The following CEP295NL variants were observed in gnomAD, a reference collection of about 807,000 sequenced individuals.
CEP295NL encodes protein DDC8 homolog.
Under a neutral mutation model 4.6 loss-of-function variants are expected in CEP295NL, and 3 were observed. The observed-to-expected ratio is 0.65, with a 90% CI of 0.30 to 1.69. The LOEUF (loss-of-function observed/expected upper bound fraction) is 1.69, where lower values mean the gene tolerates loss of function less well. CEP295NL is among the 40% of genes most tolerant of loss of function. The pLI, the probability that CEP295NL is intolerant of heterozygous loss-of-function variation, is 0.10. For synonymous variants in CEP295NL, 295 were observed against 312.2 expected, an observed-to-expected ratio of 0.94 and a Z score of 0.58; for missense variants, 719 against 769.0, an observed-to-expected ratio of 0.93 and a Z score of 0.77.
rs1279956306 is a variant in CEP295NL, at chr17:78,891,582, G to C, written c.922C>G (p.Leu308Val). ...GQSLEGKLRD[L>V]GQLWPADSSC... ...GAATCAGCTGGCCACAGCTGCCCGA[G>C]GTCTCTCAGCTTCCCCTCCAGACTC... Residue 308 changes from leucine to valine, a missense_variant, in exon 3 of 3, where the codon CTC (leucine) becomes GTC (valine). Leu to Val is a conservative substitution (Grantham distance 32). Transcript: ENST00000322630. The surrounding 1 kb of genome is among the most constrained non-coding windows in gnomAD (Gnocchi z 4.5). The C allele has an allele frequency of 6.4e-7, 1 of 1,550,830 alleles. No individual in the cohort carries two copies. The highest frequency in any genetic ancestry group is 8.7e-7 in the Non-Finnish European group (1 of 1,147,054).
rs1349552692 is a variant in CEP295NL, at chr17:78,891,297, C to G, written c.1207G>C (p.Ala403Pro). The change falls in exon 3 of 3, where the codon GCC becomes CCC. Residue 403 changes from alanine to proline, a missense_variant. Coordinates refer to ENST00000322630, the MANE Select transcript of CEP295NL (RefSeq NM_001243540.2). The surrounding 1 kb of genome is among the most constrained non-coding windows in gnomAD (Gnocchi z 4.5). ...TCTGCTGGGCTCCTGGGTTCCCCGGCAGGCAGCATCTCTGGGTCTGCCATT... is the reference window on the plus strand; with the variant it reads ...TCTGCTGGGCTCCTGGGTTCCCCGGGAGGCAGCATCTCTGGGTCTGCCATT... ...KKMADPEMLP[A>P]GEPRSPAEEE... The G allele has an allele frequency of 5.2e-6, 8 of 1,550,468 alleles. No homozygotes were observed. The highest frequency in any genetic ancestry group is 6.1e-6 in the Non-Finnish European group (7 of 1,146,988).
intron 1 of CEP295NL, chr17:78,902,917 T>TCC (rs1213152472): frequency 6.6e-6 from 1 of 152,406 alleles, no homozygotes; most frequent in African/African-American, 2.4e-5. Flanking sequence ...TCCCTCACTC[T>TCC]CCTTCCCATC....
At position 78,890,741 on chromosome 17, in the gene CEP295NL, A is replaced by G; in HGVS notation, c.1763T>C (p.Met588Thr). The change falls in exon 3 of 3, where the codon ATG becomes ACG. Residue 588 changes from methionine to threonine, a missense_variant. Transcript: ENST00000322630. ...SLADDDRHSQ[M>T]IRDQQQQILQ... ...GATCTGCTGCTGCTGGTCTCGGATC[A>G]TCTGACTGTGCCGGTCGTCGTCGGC... The G allele has an allele frequency of 1.9e-6, 3 of 1,550,684 alleles. No homozygotes were observed. The highest frequency in any genetic ancestry group is 2.6e-6 in the Non-Finnish European group (3 of 1,147,008).
In CEP295NL at chr17:78,901,804, C is replaced by G; in HGVS notation, c.25G>C (p.Val9Leu). ...ACTTACTGTGTGTGTCTCCAGATGA[C>G]TGAGCTAGACCACCCAGAACACATT... MCSGWSSS[V>L]IWRHTQFAVE... Residue 9 changes from valine to leucine, a missense_variant, in exon 2 of 3, where the codon GTC becomes CTC. Transcript: ENST00000322630. The G allele has an allele frequency of 2.8e-6, 2 of 717,200 alleles. No homozygotes were observed. Among genetic ancestry groups the G allele is most frequent in the Non-Finnish European group, 2.6e-6 (1 of 385,010 alleles). 44.4% of individuals were successfully genotyped at this position (717,200 alleles called of 1,614,324 possible).
In CEP295NL at chr17:78,891,639, CA is replaced by C; in HGVS notation, c.864del (p.Phe288LeufsTer5). The part of the protein sequence containing the change: ...RRQLGKGAVC[F>X]VPALTSRSQG... ...TGAGAGCGACTGGTCAGGGCTGGAA[CA>C]AAGCAAACTGCCCCCTTTCCCAGTT... is the stretch of plus-strand genomic sequence containing the variant. On this transcript the variant is annotated frameshift_variant, in exon 3 of 3. Coordinates refer to ENST00000322630, the MANE Select transcript of CEP295NL (RefSeq NM_001243540.2). LOFTEE classifies it low-confidence loss of function (END_TRUNC). The surrounding 1 kb of genome is among the most constrained non-coding windows in gnomAD (Gnocchi z 4.5). 1 of 1,550,986 alleles carries C rather than the reference CA, an allele frequency of 6.4e-7. No individual in the cohort carries two copies. The highest frequency in any genetic ancestry group is 8.7e-7 in the Non-Finnish European group (1 of 1,147,094).
At position 78,901,939 on chromosome 17, in the gene CEP295NL, G is replaced by T; in HGVS notation, c.-98-13C>A. 1 of 604,684 alleles carries T rather than the reference G, an allele frequency of 1.7e-6. No homozygotes were observed. The allele number at this position is 604,684 out of a possible 1,614,324, so 37.5% of individuals were successfully genotyped here. A position where few individuals can be genotyped will look rare whatever the true frequency, so the allele number is the denominator to read the frequency against. On this transcript the variant is annotated splice_polypyrimidine_tract_variant and intron_variant, in intron 1 of 2. Coordinates refer to ENST00000322630, the MANE Select transcript of CEP295NL (RefSeq NM_001243540.2). ...GAGACGCCCATCACTGGAGGCATCC[G>T]AACCAAGCCCAGATAAAACAAACAT...
chr17:78,891,428 A>G lies in CEP295NL; in HGVS notation c.1076T>C (p.Leu359Pro), dbSNP rs1231047007. The G allele has an allele frequency of 6.4e-7, 1 of 1,550,886 alleles. No individual in the cohort carries two copies. Among genetic ancestry groups the G allele is most frequent in the Non-Finnish European group, 8.7e-7 (1 of 1,147,050 alleles). Reference protein sequence around the residue: ...FNINRKLKKHLCLYLALKPRM... With the variant: ...FNINRKLKKHPCLYLALKPRM... ...GGGCTTCAGTGCCAGGTACAAGCAC[A>G]GGTGTTTTTTCAGCTTTCTGTTTAT... Residue 359 changes from leucine (L) to proline (P), a missense_variant, in exon 3 of 3, where the codon CTG becomes CCG. Leu to Pro is a moderately conservative substitution (Grantham distance 98). Transcript: ENST00000322630. The surrounding 1 kb of genome is among the most constrained non-coding windows in gnomAD (Gnocchi z 4.5).
rs1388671270 is a variant in CEP295NL at position 78,891,738 on chromosome 17, G to A, written c.766C>T (p.Leu256Phe). The A allele has an allele frequency of 5.8e-6, 9 of 1,551,236 alleles. No homozygotes were observed. The highest frequency in any genetic ancestry group is 1.7e-4 in the Middle Eastern group (1 of 5,998). The change falls in exon 3 of 3, where the codon CTC becomes TTC. Residue 256 changes from leucine to phenylalanine, a missense_variant. Transcript: ENST00000322630. This position sits in a 1 kb window ranked among gnomAD's most constrained non-coding sequence, Gnocchi z 4.5. ...CCGATTTCTCCCACAGCAGCCACGA[G>A]TGGGTTTGACCTTTCTAGGTCCGCC... is the stretch of plus-strand genomic sequence containing the variant. ...KGADLERSNP[L>F]VAAVGEIGLV...
intron 2 of CEP295NL, among the ~76,000 whole-genome samples, chr17:78,901,552 CCAAAGGAGGTGAGG>C (rs1162416922): frequency 6.6e-6 from 1 of 151,786 alleles, no homozygotes; most frequent in African/African-American, 2.4e-5. Context: ...GGAAGAAAAG[CCAAAGGAGGTGAGG>C]TGGGGCAAGG....
Position 78,892,170 on chromosome 17 carries a change from C to A in CEP295NL, c.334G>T (p.Glu112Ter). ...WKNYQLQRLA[E>*]ELRRGYQEAQ... The stretch of plus-strand genomic sequence containing the variant: ...TCCTGATACCCTCTCCTCAACTCCT[C>A]AGCCAAGCGCTGGAGCTGGTAGTTT... The change falls in exon 3 of 3, where the codon GAG becomes TAG. Residue 112 changes from glutamate (E) to a stop codon, truncating the protein, a stop_gained. Coordinates refer to ENST00000322630, the MANE Select transcript of CEP295NL (RefSeq NM_001243540.2). LOFTEE classifies it low-confidence loss of function (END_TRUNC). 6.4e-7 allele frequency: 1 copy of A among 1,551,002 alleles called. No individual in the cohort carries two copies. Among genetic ancestry groups the A allele is most frequent in the South Asian group, 1.2e-5 (1 of 84,062 alleles).
At position 78,901,705 on chromosome 17, in the gene CEP295NL, C is replaced by T. The variant is rs958675047; in HGVS notation, c.44+80G>A. ...TTTAGGATGGGGATGATAACAACAG[C>T]AGCACCCATCTACAGAGATGCCAGT... is the stretch of plus-strand genomic sequence containing the variant. On this transcript the variant is annotated intron_variant, in intron 2 of 2. Transcript: ENST00000322630. The T allele has an allele frequency of 8.7e-5, 62 of 716,730 alleles. No homozygotes were observed. The East Asian group carries it at 1.7e-3, about 19-fold the overall frequency. 44.4% of individuals were successfully genotyped at this position (716,730 alleles called of 1,614,324 possible).
At chr17:78,898,656 C>G (rs548472489) in intron 2 of CEP295NL, 2 of 152,344 alleles carry the variant, frequency 1.3e-5, no homozygotes, top group African/African-American at 4.8e-5. Flanking sequence ...GAGACCTGGC[C>G]ATGGTGCTGC....
intron 2 of CEP295NL, among the ~76,000 whole-genome samples, chr17:78,894,462 CAA>C (rs1286873380): frequency 6.6e-6 from 1 of 151,982 alleles, no homozygotes; most frequent in African/African-American, 2.4e-5. Context: ...CCATGATGAT[CAA>C]GAGAGAAAGG....
chr17:78,893,846 A>G (rs1264164011), intron 2 of CEP295NL, among the ~76,000 whole-genome samples: 2 of 152,088 alleles, frequency 1.3e-5, no homozygotes, highest in East Asian at 3.9e-4. Context: ...CTTCCTAGGA[A>G]AGGAGGGGCA....
chr17:78,890,919 T>G lies in CEP295NL; in HGVS notation c.1585A>C (p.Ser529Arg), dbSNP rs1369227339. The G allele has an allele frequency of 6.4e-7, 1 of 1,550,838 alleles. No homozygotes were observed. The highest frequency in any genetic ancestry group is 8.7e-7 in the Non-Finnish European group (1 of 1,147,046). Residue 529 changes from serine (S) to arginine (R), a missense_variant, in exon 3 of 3, where the codon AGC (serine) becomes CGC (arginine). Physicochemically the swap from Ser to Arg is moderately radical, Grantham distance 110. Transcript: ENST00000322630. Reference protein sequence around the residue: ...SLEQMEHPDMSLEIHYKAELE... With the variant: ...SLEQMEHPDMRLEIHYKAELE... Reference sequence around the variant, plus strand: ...TCAGCTTTGTAGTGGATTTCCAAGCTCATATCTGGGTGTTCCATTTGTTCA... The same window carrying G: ...TCAGCTTTGTAGTGGATTTCCAAGCGCATATCTGGGTGTTCCATTTGTTCA...
In CEP295NL at chr17:78,890,682, C is replaced by T; in HGVS notation, c.1822G>A (p.Glu608Lys). The T allele has an allele frequency of 6.4e-7, 1 of 1,550,572 alleles. No homozygotes were observed. The highest frequency in any genetic ancestry group is 1.4e-5 in the African/African-American group (1 of 73,182). Residue 608 changes from glutamate to lysine, a missense_variant, in exon 3 of 3, where the codon GAA becomes AAA. Transcript: ENST00000322630. ...TCCCGCAAGCATTTCCGGGCTTCTT[C>T]AAGAAACTGCTTGTGCAACCTGTTT... ...QQNRLHKQFL[E>K]EARKCLREFQ...
Position 78,896,231 on chromosome 17 carries a change from G to A in CEP295NL, c.45-3772C>T, listed in dbSNP as rs936552633. On this transcript the variant is annotated intron_variant, in intron 2 of 2. Transcript: ENST00000322630. This position sits in a 1 kb window ranked among gnomAD's most constrained non-coding sequence, Gnocchi z 4.4. ...GAGGCAGAGGGCAGGGTCTCACGTG[G>A]ACTTGTGCAGGCACTGGCAGGGAAA... 6.6e-6 allele frequency among the ~76,000 whole-genome samples: 1 copy of A among 152,204 alleles called. No individual in the cohort carries two copies. The highest frequency in any genetic ancestry group is 1.5e-5 in the Non-Finnish European group (1 of 68,046).
chr17:78,901,908 G>A lies in CEP295NL; in HGVS notation c.-80C>T. Reference sequence around the variant, plus strand: ...TTGAAATCACTGGGCTGACTTTGTAGGTAGTGAGACGCCCATCACTGGAGG... The same window carrying A: ...TTGAAATCACTGGGCTGACTTTGTAAGTAGTGAGACGCCCATCACTGGAGG... On this transcript the variant is annotated 5_prime_UTR_variant, in exon 2 of 3. Coordinates refer to ENST00000322630, the MANE Select transcript of CEP295NL (RefSeq NM_001243540.2). The A allele has an allele frequency of 6.4e-6, 4 of 629,028 alleles. No individual in the cohort carries two copies. Among genetic ancestry groups the A allele is most frequent in the Middle Eastern group, 2.6e-4 (1 of 3,818 alleles). 39.0% of individuals were successfully genotyped at this position (629,028 alleles called of 1,614,324 possible).
intron 2 of CEP295NL, chr17:78,897,915 C>G (rs1305761813): frequency 6.6e-6 from 1 of 152,224 alleles, no homozygotes. Context: ...CTTAAAACAT[C>G]TGGGCAGAGG....
Sources: gnomAD v4.1 joint callset for allele counts (sites outside exome capture counted in the v4.1 genomes callset) on GRCh38, gnomAD v4.1.1 for gene constraint, Gnocchi (gnomAD v3.1) non-coding constraint, MANE v1.5 for transcripts, NCBI Gene and HGNC (gene_info 2026-07-23, HGNC 2026-07-21) for gene names.